LUZP2: variants seen among roughly 807,000 people sequenced by gnomAD.
The protein encoded by LUZP2 is leucine zipper protein 2.
Under a neutral mutation model 51.6 loss-of-function variants are expected in LUZP2, and 52 were observed. The observed-to-expected ratio is 1.01, with a 90% CI of 0.81 to 1.27. LUZP2 has a LOEUF of 1.27. LUZP2 is among the 50% of genes most tolerant of loss of function. The probability of loss-of-function intolerance (pLI) is 0.00; values close to 1 mark genes in which losing one functional copy is unlikely to be tolerated. For missense variants in LUZP2, 436 were observed against 395.4 expected (o/e 1.10, Z -0.87); for synonymous variants, 154 against 137.3 (o/e 1.12, Z -0.85).
chr11:24,842,057 T>A (rs1029973719), intron 5 of LUZP2, among the ~76,000 whole-genome samples: 3 of 151,562 alleles, frequency 2.0e-5, no homozygotes, highest in African/African-American at 7.3e-5. Flanking sequence ...TATATAAATA[T>A]GCAAAGATAT....
intron 1 of LUZP2, among the ~76,000 whole-genome samples, chr11:24,509,571 T>C (rs1850244313): frequency 6.7e-6 from 1 of 149,022 alleles, no homozygotes; most frequent in Admixed American, 6.7e-5. Context: ...ATATTACTCA[T>C]AGACATCTTT....
intron 9 of LUZP2, among the ~76,000 whole-genome samples, chr11:24,996,635 A>ATTTTATTT (rs1856512686): frequency 2.6e-5 from 3 of 114,878 alleles, no homozygotes; most frequent in African/African-American, 1.3e-4. Context: ...TTATTTTATT[A>ATTTTATTT]TACTTTAAGT....
At chr11:24,920,620 A>T (rs755469613) in intron 7 of LUZP2, among the ~76,000 whole-genome samples, 3 of 152,000 alleles carry the variant, frequency 2.0e-5, no homozygotes, top group Non-Finnish European at 2.9e-5. Flanking sequence ...AAATAAAATC[A>T]TGTCTTTTGC....
In LUZP2 at chr11:24,847,577, G is replaced by T. The variant is rs187704681; in HGVS notation, c.397-58414G>T. The stretch of plus-strand genomic sequence containing the variant: ...CTCATGGTCTTTACCATTGTTGCCT[G>T]TTCATATTGGTATGTGCCTACCTTC... On this transcript the variant is annotated intron_variant, in intron 5 of 11. Transcript: ENST00000336930. 4.1e-3 allele frequency among the ~76,000 whole-genome samples: 617 copies of T among 152,220 alleles called. 6 individuals are homozygous for T. The highest frequency in any genetic ancestry group is 4.2e-3 in the Non-Finnish European group (288 of 68,010).
intron 11 of LUZP2, among the ~76,000 whole-genome samples, chr11:25,077,660 C>T (rs1008169999): frequency 6.6e-6 from 1 of 151,516 alleles, no homozygotes; most frequent in African/African-American, 2.4e-5. Flanking sequence ...CCACCACGCC[C>T]AAATTTTTTG....
chr11:24,691,683 T>C (rs1345871008), intron 1 of LUZP2, among the ~76,000 whole-genome samples: 1 of 152,018 alleles, frequency 6.6e-6, no homozygotes, highest in Non-Finnish European at 1.5e-5. Context: ...AGAGTACCAT[T>C]GTATTAGAAA....
chr11:24,785,786 G>T lies in LUZP2; in HGVS notation c.396+22478G>T, dbSNP rs185261710. On this transcript the variant is annotated intron_variant, in intron 5 of 11. Transcript: ENST00000336930. ...TTAGAGACAGAAGAGATGTCAGACA[G>T]CATTTAGCCCACACTTCTCCTTTCA... is the stretch of plus-strand genomic sequence containing the variant. 35 of 766,020 alleles carry T rather than the reference G, an allele frequency of 4.6e-5. No individual in the cohort carries two copies. The South Asian group carries it at 1.8e-3, about 39-fold the overall frequency. The allele number at this position is 766,020 out of a possible 1,614,324, so 47.5% of individuals were successfully genotyped here.
chr11:24,828,666 CA>C (rs1434080354), intron 5 of LUZP2, among the ~76,000 whole-genome samples: 2 of 151,686 alleles, frequency 1.3e-5, no homozygotes, highest in Non-Finnish European at 2.9e-5. Context: ...AATAACAAGG[CA>C]AAATTCGAAA....
chr11:24,769,352 A>G (rs1028603894), intron 5 of LUZP2, among the ~76,000 whole-genome samples: 1 of 152,180 alleles, frequency 6.6e-6, no homozygotes, highest in Non-Finnish European at 1.5e-5. Flanking sequence ...CCAACAGTGT[A>G]TTATGTATTT....
In LUZP2 at chr11:24,574,259, T is replaced by G. The variant is rs774206244; in HGVS notation, c.62+76954T>G. 1.5e-4 allele frequency among the ~76,000 whole-genome samples: 10 copies of G among 67,114 alleles called. 1 individual carries two copies. The highest frequency in any genetic ancestry group is 5.0e-4 in the African/African-American group (10 of 19,902). The allele number at this position is 67,114 out of a possible 152,430, so 44.0% of individuals were successfully genotyped here. On this transcript the variant is annotated intron_variant, in intron 1 of 11. Transcript: ENST00000336930. The stretch of plus-strand genomic sequence containing the variant: ...TTCTTTCTTTCTTTCTTTCTTTCTT[T>G]CTTGCTTTCTTTCTTTCTTTCTTTC...
intron 9 of LUZP2, among the ~76,000 whole-genome samples, chr11:25,046,021 T>C (rs549121205): frequency 6.6e-6 from 1 of 152,290 alleles, no homozygotes; most frequent in South Asian, 2.1e-4. Flanking sequence ...ATGGTTTTAT[T>C]GTAGAAACAA....
intron 4 of LUZP2, among the ~76,000 whole-genome samples, chr11:24,741,017 G>A (rs1253062167): frequency 6.6e-6 from 1 of 151,962 alleles, no homozygotes; most frequent in Admixed American, 6.6e-5. Flanking sequence ...TAATATTGTG[G>A]TAAGAATTAT....
At chr11:25,064,104 C>G (rs1478117959) in intron 10 of LUZP2, among the ~76,000 whole-genome samples, 1 of 146,654 alleles carries the variant, frequency 6.8e-6, no homozygotes, top group Non-Finnish European at 1.6e-5. Flanking sequence ...TTACAAAGCA[C>G]ATATTCTTTC....
At chr11:24,771,037 T>C (rs1006361176) in intron 5 of LUZP2, among the ~76,000 whole-genome samples, 4 of 152,170 alleles carry the variant, frequency 2.6e-5, no homozygotes, top group African/African-American at 9.7e-5. Context: ...TATCCACATA[T>C]TGCACAGATC....
chr11:24,510,991 C>G (rs1229395264), intron 1 of LUZP2, among the ~76,000 whole-genome samples: 1 of 152,114 alleles, frequency 6.6e-6, no homozygotes, highest in Non-Finnish European at 1.5e-5. Context: ...AGGAAGGACA[C>G]ACTGCTTTCC....
intron 1 of LUZP2, among the ~76,000 whole-genome samples, chr11:24,597,620 G>A (rs142923450): frequency 3.7e-4 from 57 of 152,258 alleles, no homozygotes; most frequent in Admixed American, 7.8e-4. Flanking sequence ...CTCTAGATAC[G>A]TGATAGGATT....
At chr11:24,760,920 C>T (rs531362720) in intron 4 of LUZP2, among the ~76,000 whole-genome samples, 1 of 152,162 alleles carries the variant, frequency 6.6e-6, no homozygotes, top group Admixed American at 6.5e-5. Context: ...TGACTTAACA[C>T]AGTCTTAATA....
chr11:24,546,990 G>T (rs1400600714), intron 1 of LUZP2, among the ~76,000 whole-genome samples: 1 of 118,162 alleles, frequency 8.5e-6, no homozygotes, highest in African/African-American at 3.0e-5. Flanking sequence ...GGTGGTGGTG[G>T]TGGTGGTTGG....
chr11:24,930,830 T>C (rs1243014955), intron 7 of LUZP2, among the ~76,000 whole-genome samples: 2 of 152,206 alleles, frequency 1.3e-5, no homozygotes, highest in East Asian at 1.9e-4. Context: ...TCTAAACTTA[T>C]AGATTTCTTT....
Sources: allele counts gnomAD v4.1 joint callset (sites outside exome capture counted in the v4.1 genomes callset), GRCh38; gene constraint gnomAD v4.1.1; transcripts MANE v1.5; gene names NCBI Gene and HGNC (gene_info 2026-07-23, HGNC 2026-07-21).